CD8B: variants seen among roughly 807,000 people sequenced by gnomAD.
CD8B encodes CD8 subunit beta.
CD8B carries 6 observed loss-of-function variants against 24.2 expected under a neutral mutation model. The observed-to-expected ratio is 0.25, with a 90% confidence interval of 0.14 to 0.49. CD8B has a LOEUF of 0.49. CD8B is among the 20% of genes least tolerant of loss of function. CD8B has a pLI of 0.98. For synonymous variants in CD8B, 84 were observed against 108.3 expected, an observed-to-expected ratio of 0.78 and a Z score of 1.39; for missense variants, 196 against 271.3, an observed-to-expected ratio of 0.72 and a Z score of 1.95.
Position 86,844,661 on chromosome 2 carries a change from T to C in CD8B, c.620+261A>G, listed in dbSNP as rs932672302. 203 of 1,474,396 alleles carry C rather than the reference T, an allele frequency of 1.4e-4. 1 individual carries two copies. The highest frequency in any genetic ancestry group is 1.8e-4 in the Non-Finnish European group (198 of 1,094,688). The allele number at this position is 1,474,396 out of a possible 1,614,324, so 91.3% of individuals were successfully genotyped here. ...TTATACAGTCTGTAATTTTTTTTTT[T>C]AGATGGAGTCTCACTCTGTTGCCCA... On this transcript the variant is annotated intron_variant, in intron 5 of 5. Transcript: ENST00000390655.
At chr2:86,829,327 G>A (rs1420087051) in intron 5 of CD8B, among the ~76,000 whole-genome samples, 1 of 151,954 alleles carries the variant, frequency 6.6e-6, no homozygotes, top group Non-Finnish European at 1.5e-5. Context: ...GGATGGTCTT[G>A]ATCTCCTGAC....
rs1452136187 is a variant in CD8B, at chr2:86,839,828, G to A, written c.*2479C>T. On this transcript the variant is annotated 3_prime_UTR_variant, in exon 6 of 6. Transcript: ENST00000390655. ...GCACTGGGTGTGAGCCTTCAAGGAGGGCAGACCATGTGCACTGCAGGCCTT... is the reference window on the plus strand; with the variant it reads ...GCACTGGGTGTGAGCCTTCAAGGAGAGCAGACCATGTGCACTGCAGGCCTT... Among the ~76,000 whole-genome samples, 1 of 152,226 alleles carries A rather than the reference G, an allele frequency of 6.6e-6. No homozygotes were observed. The highest frequency in any genetic ancestry group is 6.5e-5 in the Admixed American group (1 of 15,280).
At chr2:86,829,668 T>A (rs899556811) in intron 5 of CD8B, among the ~76,000 whole-genome samples, 6 of 152,190 alleles carry the variant, frequency 3.9e-5, no homozygotes, top group Non-Finnish European at 7.3e-5. Context: ...GCATAAACGC[T>A]ACCCTGTAAA....
chr2:86,854,282 C>T (rs1056198535), intron 2 of CD8B, among the ~76,000 whole-genome samples: 18 of 152,156 alleles, frequency 1.2e-4, no homozygotes, highest in African/African-American at 3.6e-4. Context: ...CCGCCCAACT[C>T]GGCATTCCCT....
chr2:86,818,904 C>A (rs750631167), intron 5 of CD8B, among the ~76,000 whole-genome samples: 3 of 152,094 alleles, frequency 2.0e-5, no homozygotes, highest in Non-Finnish European at 2.9e-5. Context: ...AGAAAAAGTT[C>A]TTGAAGGAAA....
At chr2:86,832,339 A>G (rs763085133) in intron 5 of CD8B, among the ~76,000 whole-genome samples, 12 of 151,994 alleles carry the variant, frequency 7.9e-5, no homozygotes, top group Admixed American at 4.6e-4. Context: ...TTAGCCAGGC[A>G]TGGTGGTGTG....
At chr2:86,861,575 G>A (rs557184734) in intron 1 of CD8B, among the ~76,000 whole-genome samples, 2 of 152,096 alleles carry the variant, frequency 1.3e-5, no homozygotes, top group Non-Finnish European at 2.9e-5. Flanking sequence ...CCCTTCTCCT[G>A]CGTCCAGGCT....
intron 5 of CD8B, chr2:86,844,659 T>C (rs758466427): frequency 4.5e-5 from 67 of 1,493,876 alleles, no homozygotes; most frequent in South Asian, 1.7e-4. Context: ...AATTTTTTTT[T>C]TTAGATGGAG....
At chr2:86,836,011 A>G (rs1255516498), downstream of CD8B, among the ~76,000 whole-genome samples, 21 of 151,860 alleles carry the variant, frequency 1.4e-4, no homozygotes, top group East Asian at 3.9e-3. Context: ...CACATGCCTG[A>G]TTGAGATCTG....
chr2:86,843,114 CAG>C (rs1675514176), intron 5 of CD8B, among the ~76,000 whole-genome samples: 1 of 151,734 alleles, frequency 6.6e-6, no homozygotes, highest in Non-Finnish European at 1.5e-5. Context: ...TTTTTTGAGA[CAG>C]AGTTTCACTC....
At chr2:86,847,758 G>T (rs1573516442) in intron 3 of CD8B, among the ~76,000 whole-genome samples, 1 of 152,086 alleles carries the variant, frequency 6.6e-6, no homozygotes. Context: ...TAGAGACGGG[G>T]TTTCACCACG....
intron 5 of CD8B, among the ~76,000 whole-genome samples, chr2:86,817,059 A>C (rs1280756425): frequency 6.6e-6 from 1 of 152,264 alleles, no homozygotes; most frequent in Non-Finnish European, 1.5e-5. Context: ...CCAAATAAAA[A>C]GATGCCAAAC....
chr2:86,838,717 C>G lies in CD8B; in HGVS notation c.*3590G>C, dbSNP rs528308830. Among the ~76,000 whole-genome samples, 6 of 152,264 alleles carry G rather than the reference C, an allele frequency of 3.9e-5. No homozygotes were observed. In the South Asian group the frequency reaches 1.2e-3, roughly 32 times the overall value. On this transcript the variant is annotated 3_prime_UTR_variant, in exon 6 of 6. Coordinates refer to ENST00000390655, the MANE Select transcript of CD8B (RefSeq NM_004931.5). ...AGGTCTTGCTATGTTGCCTAGGCTG[C>G]TCTCAAACTCCTGAGCTCAAGTGAT...
chr2:86,832,157 A>G (rs1407544781), intron 5 of CD8B, among the ~76,000 whole-genome samples: 1 of 152,176 alleles, frequency 6.6e-6, no homozygotes, highest in Non-Finnish European at 1.5e-5. Context: ...GAGAAAATAA[A>G]TTACCTTGAG....
rs192496764 is a variant in CD8B at position 86,840,877 on chromosome 2, C to G, written c.*1430G>C. On this transcript the variant is annotated 3_prime_UTR_variant, in exon 6 of 6. Transcript: ENST00000390655. ...CAGGAGAAGGTCACACTGCCCCTTC[C>G]CCAGAGTCGTCTTTCCTTTCCTGTT... Among the ~76,000 whole-genome samples, 1 of 152,292 alleles carries G rather than the reference C, an allele frequency of 6.6e-6. No homozygotes were observed. Among genetic ancestry groups the G allele is most frequent in the Non-Finnish European group, 1.5e-5 (1 of 68,030 alleles).
chr2:86,822,494 A>G, intron 5 of CD8B: 1 of 612,604 alleles, frequency 1.6e-6, no homozygotes, highest in South Asian at 2.5e-5. Context: ...AGGCATTAAC[A>G]TGATGATGTT....
At chr2:86,843,480 AACAC>A in intron 5 of CD8B, 1 of 955,640 alleles carries the variant, frequency 1.0e-6, no homozygotes, top group African/African-American at 1.8e-5. Context: ...TTCTAAATCC[AACAC>A]ACAAGGTGAA....
chr2:86,844,205 C>T (rs916920204), intron 5 of CD8B, among the ~76,000 whole-genome samples: 6 of 151,530 alleles, frequency 4.0e-5, no homozygotes, highest in Non-Finnish European at 7.4e-5. Flanking sequence ...AAGGTCCCAG[C>T]CCAGCCCAGG....
chr2:86,821,372 G>T (rs1192868547), intron 5 of CD8B, among the ~76,000 whole-genome samples: 1 of 152,156 alleles, frequency 6.6e-6, no homozygotes, highest in Non-Finnish European at 1.5e-5. Context: ...ACCTCGTTCT[G>T]CGGTTAAGAA....
Sources: allele counts gnomAD v4.1 joint callset (sites outside exome capture counted in the v4.1 genomes callset), GRCh38; gene constraint gnomAD v4.1.1; transcripts MANE v1.5; gene names NCBI Gene and HGNC (gene_info 2026-07-23, HGNC 2026-07-21).